Variants in NALCN observed in about 807,000 individuals in gnomAD.
NALCN encodes the protein sodium leak channel NALCN.
NALCN carries 111 observed loss-of-function variants against 225.3 expected under a neutral mutation model. The observed-to-expected ratio is 0.49, with a 90% confidence interval of 0.42 to 0.58. NALCN has a LOEUF of 0.58. Among genes scored for constraint, NALCN ranks in the 20% least tolerant of loss-of-function variants. The pLI is 0.00. For synonymous variants in NALCN, 764 were observed against 769.0 expected, an observed-to-expected ratio of 0.99 and a Z score of 0.11; for missense variants, 1,378 against 2,202.4, an observed-to-expected ratio of 0.63 and a Z score of 7.49.
intron 2 of NALCN, among the ~76,000 whole-genome samples, chr13:101,397,069 T>C (rs1285392628): frequency 4.7e-4 from 29 of 61,690 alleles, no homozygotes; most frequent in Non-Finnish European, 9.0e-4. Flanking sequence ...GAATGTATTA[T>C]ATATATATAT....
At chr13:101,399,990 G>T (rs746826402) in intron 1 of NALCN, among the ~76,000 whole-genome samples, 12 of 152,232 alleles carry the variant, frequency 7.9e-5, no homozygotes, top group Non-Finnish European at 1.2e-4. Flanking sequence ...ATAAAGGCAG[G>T]TGGTACCTGA....
intron 13 of NALCN, among the ~76,000 whole-genome samples, chr13:101,213,206 C>A (rs1200505970): frequency 6.6e-6 from 1 of 152,066 alleles, no homozygotes; most frequent in African/African-American, 2.4e-5. Flanking sequence ...AAAGGATTCC[C>A]TATTTAATAA....
In NALCN at chr13:101,237,786, T is replaced by A; in HGVS notation, c.1403A>T (p.Asp468Val). 1 of 1,598,614 alleles carries A rather than the reference T, an allele frequency of 6.3e-7. No individual in the cohort carries two copies. The highest frequency in any genetic ancestry group is 8.5e-7 in the Non-Finnish European group (1 of 1,174,202). ...GTACGTGAATTGTGAATGATAAAGA[T>A]CTGGGTATACATGAAGAGTAGTTCC... is the stretch of plus-strand genomic sequence containing the variant. The part of the protein sequence containing the change: ...VIGTTLHVYP[D>V]LYHSQFTYFQ... The change falls in exon 12 of 44, where the codon GAT becomes GTT. Residue 468 changes from aspartate (D) to valine (V), a missense_variant. By Grantham distance (152) the Asp-to-Val change is radical. Around this residue, in one of 19 missense-constraint regions of NALCN, gnomAD observed 144 missense variants for 187.7 expected, o/e 0.77. Transcript: ENST00000251127.
intron 40 of NALCN, 148 bp from the exon 41 acceptor site, chr13:101,062,266 G>GT: frequency 1.3e-6 from 1 of 793,152 alleles, no homozygotes; most frequent in Non-Finnish European, 2.0e-6. Flanking sequence ...TCTTGGGCTG[G>GT]TCCTGTCACC....
intron 1 of NALCN, among the ~76,000 whole-genome samples, chr13:101,414,051 A>AT (rs1199534751): frequency 1.4e-5 from 1 of 72,926 alleles, no homozygotes; most frequent in Non-Finnish European, 2.6e-5. Flanking sequence ...ACACTTGGTG[A>AT]ATTTTTTTTT....
chr13:101,260,644 T>C (rs2042394168), intron 10 of NALCN, among the ~76,000 whole-genome samples: 2 of 152,222 alleles, frequency 1.3e-5, no homozygotes, highest in Admixed American at 1.3e-4. Flanking sequence ...CCTTTTCATA[T>C]GCCTGTTTGT....
chr13:101,239,876 T>C (rs2041695257), intron 11 of NALCN, among the ~76,000 whole-genome samples: 1 of 152,120 alleles, frequency 6.6e-6, no homozygotes, highest in African/African-American at 2.4e-5. Flanking sequence ...AAAGTTATCT[T>C]GTCTCAAATC....
intron 17 of NALCN, among the ~76,000 whole-genome samples, chr13:101,130,243 C>T (rs1430013093): frequency 6.6e-6 from 1 of 152,128 alleles, no homozygotes; most frequent in Non-Finnish European, 1.5e-5. Context: ...TTTTATTTCA[C>T]ATTTCATAGA....
intron 7 of NALCN, among the ~76,000 whole-genome samples, chr13:101,313,161 C>T (rs2044415789): frequency 6.6e-6 from 1 of 152,068 alleles, no homozygotes; most frequent in Non-Finnish European, 1.5e-5. Context: ...CCCTTCCTTA[C>T]ACCTTATACA....
chr13:101,317,381 C>A (rs988680555), intron 7 of NALCN, among the ~76,000 whole-genome samples: 1 of 152,190 alleles, frequency 6.6e-6, no homozygotes, highest in Non-Finnish European at 1.5e-5. Flanking sequence ...GAATTTTGAT[C>A]TGATTCACCC....
chr13:101,150,930 G>A (rs747826433), intron 15 of NALCN, among the ~76,000 whole-genome samples: 4 of 152,158 alleles, frequency 2.6e-5, no homozygotes, highest in Admixed American at 2.0e-4. Flanking sequence ...AAAATCTAAT[G>A]TAAAGAACAG....
intron 22 of NALCN, among the ~76,000 whole-genome samples, chr13:101,106,922 G>T (rs2035145609): frequency 6.6e-6 from 1 of 152,130 alleles, no homozygotes; most frequent in South Asian, 2.1e-4. Context: ...GTCAAACTTG[G>T]CTTAGGTGTC....
At chr13:101,161,434 C>A (rs1395096944) in intron 15 of NALCN, among the ~76,000 whole-genome samples, 1 of 152,208 alleles carries the variant, frequency 6.6e-6, no homozygotes, top group African/African-American at 2.4e-5. Context: ...AACCAGGAAT[C>A]ATCTTTGAGA....
intron 11 of NALCN, among the ~76,000 whole-genome samples, chr13:101,251,638 G>C (rs2042066289): frequency 6.6e-6 from 1 of 151,936 alleles, no homozygotes; most frequent in South Asian, 2.1e-4. Flanking sequence ...ATTTCAAAAA[G>C]AAGGAAAAAT....
intron 4 of NALCN, 50 bp downstream of exon 4, chr13:101,378,520 A>G (rs2046756845): frequency 7.0e-7 from 1 of 1,424,994 alleles, no homozygotes; most frequent in Non-Finnish European, 9.7e-7. Context: ...ATGCAAAATA[A>G]TTCCCATTTT....
chr13:101,261,506 G>C (rs1048355719), intron 10 of NALCN, among the ~76,000 whole-genome samples: 1 of 151,774 alleles, frequency 6.6e-6, no homozygotes, highest in Non-Finnish European at 1.5e-5. Flanking sequence ...TTCCATTTTT[G>C]GTGTCCTCTT....
intron 1 of NALCN, 130 bp from the exon 2 acceptor site, chr13:101,399,295 T>A: frequency 2.0e-6 from 1 of 488,280 alleles, no homozygotes; most frequent in Non-Finnish European, 3.6e-6. Context: ...AATAAACATA[T>A]GAAAATAGAA....
At chr13:101,366,700 G>A (rs959001780) in intron 6 of NALCN, among the ~76,000 whole-genome samples, 9 of 152,072 alleles carry the variant, frequency 5.9e-5, no homozygotes, top group African/African-American at 2.2e-4. Flanking sequence ...GTGATGTTTT[G>A]ATGTATGTAT....
Position 101,257,297 on chromosome 13 carries a change from TA to T in NALCN, c.1266+1145del, listed in dbSNP as rs1283271116. ...TTGCATCACAGAGACTGTAGCCCAG[TA>T]AAAGTTTTGTATTAACGGTATTTTG... On this transcript the variant is annotated intron_variant, in intron 11 of 43. Transcript: ENST00000251127. Among the ~76,000 whole-genome samples the T allele has an allele frequency of 2.0e-5, 3 of 149,386 alleles. No individual in the cohort carries two copies. The East Asian group carries it at 6.0e-4, about 30-fold the overall frequency.
Sources: allele counts gnomAD v4.1 joint callset (sites outside exome capture counted in the v4.1 genomes callset), GRCh38; gene constraint gnomAD v4.1.1; regional missense constraint gnomAD v4.1.1; transcripts MANE v1.5; gene names NCBI Gene and HGNC (gene_info 2026-07-23, HGNC 2026-07-21).